KLHL29: variants seen among roughly 807,000 people sequenced by gnomAD.
KLHL29 encodes the protein kelch-like protein 29.
KLHL29 carries 21 observed loss-of-function variants against 80.4 expected under a neutral mutation model. That is an observed-to-expected ratio of 0.26 (90% confidence interval 0.19 to 0.38). KLHL29 has a LOEUF of 0.38. Among genes scored for constraint, KLHL29 ranks in the 10% least tolerant of loss-of-function variants. The pLI is 1.00. For missense variants in KLHL29, 867 were observed against 1,223.9 expected (o/e 0.71, Z 4.35); for synonymous variants, 511 against 526.8 (o/e 0.97, Z 0.41).
chr2:23,507,155 G>A (rs1011502261), intron 2 of KLHL29: 3 of 423,340 alleles, frequency 7.1e-6, no homozygotes, highest in African/African-American at 2.0e-5. Context: ...TGTTGGTGGC[G>A]CTCACTCCCG....
intron 3 of KLHL29, among the ~76,000 whole-genome samples, chr2:23,627,018 C>G (rs986313641): frequency 6.6e-6 from 1 of 152,178 alleles, no homozygotes; most frequent in Non-Finnish European, 1.5e-5. Context: ...ACCCACAGCC[C>G]CTGTGTGCAG....
intron 5 of KLHL29, among the ~76,000 whole-genome samples, chr2:23,671,792 C>A (rs1376973255): frequency 6.6e-6 from 1 of 152,214 alleles, no homozygotes; most frequent in East Asian, 1.9e-4. Context: ...ACTTCTGGAA[C>A]CTAGGGCTGC....
At chr2:23,470,232 C>G (rs1664462383) in intron 1 of KLHL29, among the ~76,000 whole-genome samples, 1 of 152,154 alleles carries the variant, frequency 6.6e-6, no homozygotes, top group African/African-American at 2.4e-5. Context: ...CAACAGGAAG[C>G]CTCCTTGGGT....
At chr2:23,428,573 G>A (rs1055814693) in intron 1 of KLHL29, among the ~76,000 whole-genome samples, 42 of 152,206 alleles carry the variant, frequency 2.8e-4, no homozygotes, top group African/African-American at 9.9e-4. Context: ...GTCCCTTGGA[G>A]GCAAGAAAGG....
rs1427452258 is a variant in KLHL29 at position 23,385,228 on chromosome 2, C to T, written c.-706C>T. 6.7e-6 allele frequency: 1 copy of T among 148,990 alleles called. No homozygotes were observed. Among genetic ancestry groups the T allele is most frequent in the Non-Finnish European group, 1.5e-5 (1 of 66,850 alleles). 9.2% of individuals were successfully genotyped at this position (148,990 alleles called of 1,614,324 possible). ...CCAGAAGGGAGCATGGTCCCCGCGC[C>T]GCGGCCGCGCCAGCCCCCGCGCCGC... On this transcript the variant is annotated 5_prime_UTR_variant, in exon 1 of 14. Transcript: ENST00000486442.
intron 3 of KLHL29, among the ~76,000 whole-genome samples, chr2:23,601,018 C>T (rs1668555497): frequency 6.6e-6 from 1 of 152,176 alleles, no homozygotes. Context: ...TATTGCCATT[C>T]CCGTTTTATA....
At chr2:23,600,533 C>T (rs1295769161) in intron 3 of KLHL29, among the ~76,000 whole-genome samples, 4 of 152,182 alleles carry the variant, frequency 2.6e-5, no homozygotes, top group Non-Finnish European at 4.4e-5. Context: ...CTAGGTTGAA[C>T]ATCACGCCTG....
chr2:23,538,787 CT>C (rs1198639644), intron 2 of KLHL29, among the ~76,000 whole-genome samples: 1 of 152,158 alleles, frequency 6.6e-6, no homozygotes, highest in Non-Finnish European at 1.5e-5. Flanking sequence ...ATCTGGAAAC[CT>C]TTCCTAGAGA....
At chr2:23,407,186 A>T (rs571584940) in intron 1 of KLHL29, among the ~76,000 whole-genome samples, 10 of 152,246 alleles carry the variant, frequency 6.6e-5, no homozygotes, top group Non-Finnish European at 1.5e-4. Context: ...TAACGTTGCA[A>T]TGAAATACTG....
intron 3 of KLHL29, among the ~76,000 whole-genome samples, chr2:23,577,918 C>G (rs915268445): frequency 6.6e-6 from 1 of 152,118 alleles, no homozygotes; most frequent in Non-Finnish European, 1.5e-5. Flanking sequence ...TGTCTCTGTT[C>G]GGAATGCCCT....
chr2:23,489,073 G>T (rs540794093), intron 2 of KLHL29, among the ~76,000 whole-genome samples: 1 of 152,294 alleles, frequency 6.6e-6, no homozygotes, highest in Admixed American at 6.5e-5. Context: ...GGGAGGGGTA[G>T]TTTCCAACCC....
intron 1 of KLHL29, among the ~76,000 whole-genome samples, chr2:23,399,595 G>A (rs575593354): frequency 1.3e-5 from 2 of 152,324 alleles, no homozygotes; most frequent in South Asian, 2.1e-4. Flanking sequence ...AGGTGTGATC[G>A]TTGAGAAGCA....
At chr2:23,458,070 G>A (rs376738060) in intron 1 of KLHL29, among the ~76,000 whole-genome samples, 5 of 152,166 alleles carry the variant, frequency 3.3e-5, no homozygotes, top group East Asian at 3.9e-4. Context: ...GGGGAAAAGC[G>A]TGAGGGTCAG....
Position 23,450,388 on chromosome 2 carries a change from T to C in KLHL29, c.-153-25172T>C, listed in dbSNP as rs140170068. 5.9e-4 allele frequency among the ~76,000 whole-genome samples: 90 copies of C among 152,284 alleles called. No homozygotes were observed. In the East Asian group the frequency reaches 0.013, roughly 23 times the overall value. On this transcript the variant is annotated intron_variant, in intron 1 of 13. Coordinates refer to ENST00000486442, the MANE Select transcript of KLHL29 (RefSeq NM_052920.2). ...ACATCTTACATTTTCTTAATTCATA[T>C]TTAATAACCTTATAGGGCTCTCCGG... is the stretch of plus-strand genomic sequence containing the variant.
intron 1 of KLHL29, among the ~76,000 whole-genome samples, chr2:23,461,498 C>T (rs879412906): frequency 1.3e-5 from 2 of 152,170 alleles, no homozygotes; most frequent in East Asian, 1.9e-4. Flanking sequence ...GGAGTTCTCG[C>T]GTAGCTGTTA....
At chr2:23,612,914 T>TA (rs527686470) in intron 3 of KLHL29, among the ~76,000 whole-genome samples, 6 of 151,992 alleles carry the variant, frequency 3.9e-5, no homozygotes, top group African/African-American at 9.6e-5. Flanking sequence ...TATACAAAGA[T>TA]AAAAAATCTC....
chr2:23,579,819 C>T (rs1223397543), intron 3 of KLHL29, among the ~76,000 whole-genome samples: 2 of 152,216 alleles, frequency 1.3e-5, no homozygotes, highest in African/African-American at 4.8e-5. Flanking sequence ...TGCACCCCCG[C>T]CCCCATGGGT....
rs566891466 is a variant in KLHL29, at chr2:23,663,932, G to C, written c.941-20467G>C. On this transcript the variant is annotated intron_variant, in intron 5 of 13. Transcript: ENST00000486442. ...TGTTGCCAAAAGAGAAAGCTCAAAAGCTGCCATTGATAATCCTGGTTAAAA... is the reference window on the plus strand; with the variant it reads ...TGTTGCCAAAAGAGAAAGCTCAAAACCTGCCATTGATAATCCTGGTTAAAA... 7.9e-5 allele frequency among the ~76,000 whole-genome samples: 12 copies of C among 152,302 alleles called. No individual in the cohort carries two copies. In the South Asian group the frequency reaches 2.1e-3, roughly 26 times the overall value.
chr2:23,669,011 G>C lies in KLHL29; in HGVS notation c.941-15388G>C, dbSNP rs1670634099. On this transcript the variant is annotated intron_variant, in intron 5 of 13. Transcript: ENST00000486442. This position sits in a 1 kb window ranked among gnomAD's most constrained non-coding sequence, Gnocchi z 4.3. ...GCAGGAAGGCTGTGGCCCATGGTGG[G>C]CCGAGCAGCACCTTCCTCATCCCTG... 6.6e-6 allele frequency: 1 copy of C among 152,400 alleles called. No individual in the cohort carries two copies. The highest frequency in any genetic ancestry group is 6.5e-5 in the Admixed American group (1 of 15,292). 9.4% of individuals were successfully genotyped at this position (152,400 alleles called of 1,614,324 possible).
Sources: gnomAD v4.1 joint callset for allele counts (sites outside exome capture counted in the v4.1 genomes callset) on GRCh38, gnomAD v4.1.1 for gene constraint, Gnocchi (gnomAD v3.1) non-coding constraint, MANE v1.5 for transcripts, NCBI Gene and HGNC (gene_info 2026-07-23, HGNC 2026-07-21) for gene names.